The following PPARD variants were observed in gnomAD, a reference collection of about 807,000 sequenced individuals.
The protein encoded by PPARD is peroxisome proliferator-activated receptor delta.
Under a neutral mutation model 39.5 loss-of-function variants are expected in PPARD, and 6 were observed. The ratio of observed to expected loss-of-function variants is 0.15; its 90% confidence interval spans 0.08 to 0.30. PPARD has a LOEUF of 0.30. PPARD is among the 10% of genes least tolerant of loss of function. The pLI is 1.00. For missense variants in PPARD, 397 were observed against 596.8 expected, an observed-to-expected ratio of 0.67 and a Z score of 3.49; for synonymous variants, 210 against 231.3, an observed-to-expected ratio of 0.91 and a Z score of 0.83.
chr6:35,362,534 C>T lies in PPARD; in HGVS notation c.-102+15384C>T, dbSNP rs9348972. Among the ~76,000 whole-genome samples, 90 of 151,660 alleles carry T rather than the reference C, an allele frequency of 5.9e-4. 1 individual carries two copies. In the East Asian group the frequency reaches 0.014, roughly 23 times the overall value. On this transcript the variant is annotated intron_variant, in intron 2 of 7. Transcript: ENST00000360694. ...TTCTATGGCTTTTAGGGATGAATCTCTCAGGAGTTTAGAAAAAAAGATGCA... is the reference window on the plus strand; with the variant it reads ...TTCTATGGCTTTTAGGGATGAATCTTTCAGGAGTTTAGAAAAAAAGATGCA...
rs1299472749 is a variant in PPARD, at chr6:35,403,465, G to A, written c.-101-7522G>A. On this transcript the variant is annotated intron_variant, in intron 2 of 7. Coordinates refer to ENST00000360694, the MANE Select transcript of PPARD (RefSeq NM_006238.5). ...TCACTTCTTTGGAGTATTGCATCTC[G>A]ATGGCAGTAATATATGAAAACTGAT... Among the ~76,000 whole-genome samples, 5 of 151,684 alleles carry A rather than the reference G, an allele frequency of 3.3e-5. No homozygotes were observed. In the South Asian group the frequency reaches 8.3e-4, roughly 25 times the overall value.
At chr6:35,395,423 T>C (rs560014323) in intron 2 of PPARD, among the ~76,000 whole-genome samples, 3 of 152,340 alleles carry the variant, frequency 2.0e-5, no homozygotes, top group African/African-American at 4.8e-5. Context: ...CTGGTCTGCC[T>C]GGGAGTCATA....
intron 2 of PPARD, among the ~76,000 whole-genome samples, chr6:35,387,947 C>G (rs1763772983): frequency 6.6e-6 from 1 of 151,582 alleles, no homozygotes; most frequent in Admixed American, 6.6e-5. Context: ...GTTTCAAACT[C>G]CTGACCTCAA....
chr6:35,375,103 TTAAG>T (rs1414339381), intron 2 of PPARD, among the ~76,000 whole-genome samples: 1 of 152,190 alleles, frequency 6.6e-6, no homozygotes, highest in Non-Finnish European at 1.5e-5. Flanking sequence ...ACAATCTGTC[TTAAG>T]TAATTTATGT....
intron 2 of PPARD, among the ~76,000 whole-genome samples, chr6:35,393,268 C>T (rs998955207): frequency 5.3e-5 from 8 of 152,106 alleles, no homozygotes; most frequent in African/African-American, 1.7e-4. Flanking sequence ...GGGAGAGCCC[C>T]GAAAGGAAAC....
chr6:35,354,825 C>A (rs1309792561), intron 2 of PPARD, among the ~76,000 whole-genome samples: 1 of 152,124 alleles, frequency 6.6e-6, no homozygotes, highest in East Asian at 1.9e-4. Context: ...TGGGTTTGTC[C>A]TTATAAGTTG....
chr6:35,401,676 C>T lies in PPARD; in HGVS notation c.-101-9311C>T, dbSNP rs1257397900. Among the ~76,000 whole-genome samples, 1 of 152,230 alleles carries T rather than the reference C, an allele frequency of 6.6e-6. No homozygotes were observed. The highest frequency in any genetic ancestry group is 1.5e-5 in the Non-Finnish European group (1 of 68,052). ...ACGTAAGGTCCTCAGGAAAGCGTCT[C>T]CTGGCCACTCGCACCTGACTCATGT... On this transcript the variant is annotated intron_variant, in intron 2 of 7. Coordinates refer to ENST00000360694, the MANE Select transcript of PPARD (RefSeq NM_006238.5). This position sits in a 1 kb window ranked among gnomAD's most constrained non-coding sequence, Gnocchi z 4.1.
At chr6:35,370,313 T>C (rs1179177439) in intron 2 of PPARD, among the ~76,000 whole-genome samples, 1 of 152,142 alleles carries the variant, frequency 6.6e-6, no homozygotes, top group Non-Finnish European at 1.5e-5. Context: ...AAAGGCTGCA[T>C]CGTGTTGTCT....
At chr6:35,402,110 C>T (rs1764726215) in intron 2 of PPARD, among the ~76,000 whole-genome samples, 1 of 152,188 alleles carries the variant, frequency 6.6e-6, no homozygotes, top group Non-Finnish European at 1.5e-5. Flanking sequence ...TCCCCCTTCC[C>T]CCGACCAACC....
intron 1 of PPARD, among the ~76,000 whole-genome samples, chr6:35,346,159 G>A (rs771471923): frequency 4.6e-5 from 7 of 152,134 alleles, no homozygotes; most frequent in Non-Finnish European, 1.0e-4. Context: ...GATTACAGGC[G>A]TGAGCCACCA....
At chr6:35,395,921 TG>T (rs1332640384) in intron 2 of PPARD, among the ~76,000 whole-genome samples, 1 of 152,180 alleles carries the variant, frequency 6.6e-6, no homozygotes, top group Non-Finnish European at 1.5e-5. Context: ...AGTTACTCCA[TG>T]AAAGCAGCTT....
Position 35,408,400 on chromosome 6 carries a change from G to A in PPARD, c.-101-2587G>A, listed in dbSNP as rs187312875. Among the ~76,000 whole-genome samples, 235 of 152,310 alleles carry A rather than the reference G, an allele frequency of 1.5e-3. 1 individual carries two copies. The highest frequency in any genetic ancestry group is 4.9e-3 in the African/African-American group (202 of 41,560). ...CAGAAGGAAGGAGAATGGAGCTGGG[G>A]AGAAGTAGGAGTGACTGCCCCAGCT... On this transcript the variant is annotated intron_variant, in intron 2 of 7. Transcript: ENST00000360694.
At chr6:35,382,044 T>G (rs969136938) in intron 2 of PPARD, among the ~76,000 whole-genome samples, 5 of 152,220 alleles carry the variant, frequency 3.3e-5, no homozygotes, top group Non-Finnish European at 7.3e-5. Flanking sequence ...TTGTTTCCTC[T>G]TCTGCTCTCT....
At position 35,347,296 on chromosome 6, in the gene PPARD, T is replaced by G. The variant is rs1439276149; in HGVS notation, c.-102+146T>G. ...TGTCACAGCATCTGGTACCAGTTGC[T>G]TATGCATAGTATAGGCATTTATTAA... On this transcript the variant is annotated intron_variant, in intron 2 of 7. Transcript: ENST00000360694. 4 of 926,588 alleles carry G rather than the reference T, an allele frequency of 4.3e-6. No individual in the cohort carries two copies. In the African/African-American group the frequency reaches 6.6e-5, roughly 15 times the overall value. 57.4% of individuals were successfully genotyped at this position (926,588 alleles called of 1,614,324 possible).
chr6:35,393,613 A>G (rs567992439), intron 2 of PPARD, among the ~76,000 whole-genome samples: 1 of 152,312 alleles, frequency 6.6e-6, no homozygotes, highest in African/African-American at 2.4e-5. Context: ...GGTATAATAT[A>G]AAATCCAGAA....
intron 2 of PPARD, among the ~76,000 whole-genome samples, chr6:35,380,853 G>A (rs1403610261): frequency 6.6e-6 from 1 of 152,128 alleles, no homozygotes; most frequent in Non-Finnish European, 1.5e-5. Context: ...GAGGATCAGG[G>A]AGCACACATA....
At chr6:35,355,179 C>T (rs1269188266) in intron 2 of PPARD, among the ~76,000 whole-genome samples, 1 of 152,036 alleles carries the variant, frequency 6.6e-6, no homozygotes, top group Non-Finnish European at 1.5e-5. Flanking sequence ...CGTTGCAGCA[C>T]CCCATTTTTT....
At chr6:35,380,582 G>A (rs1027406601) in intron 2 of PPARD, among the ~76,000 whole-genome samples, 4 of 146,936 alleles carry the variant, frequency 2.7e-5, no homozygotes, top group South Asian at 2.1e-4. Flanking sequence ...TCGACCTTTC[G>A]GGCTCAAGCA....
intron 3 of PPARD, among the ~76,000 whole-genome samples, chr6:35,417,108 C>T (rs1441486065): frequency 1.3e-5 from 2 of 152,120 alleles, no homozygotes; most frequent in Non-Finnish European, 2.9e-5. Flanking sequence ...GCAATCCTCC[C>T]ACCTCAGCCT....
Sources: allele counts gnomAD v4.1 joint callset (sites outside exome capture counted in the v4.1 genomes callset), GRCh38; gene constraint gnomAD v4.1.1; non-coding constraint Gnocchi (gnomAD v3.1); transcripts MANE v1.5; gene names NCBI Gene and HGNC (gene_info 2026-07-23, HGNC 2026-07-21).